BMERB1: variants seen among roughly 807,000 people sequenced by gnomAD.
BMERB1 encodes bMERB domain containing 1, also known as bMERB domain-containing protein 1.
A neutral mutation model predicts 23.6 loss-of-function variants in BMERB1; 12 were observed. That is an observed-to-expected ratio of 0.51 (90% CI 0.33 to 0.82). The LOEUF is 0.82. BMERB1 is among the 40% of genes least tolerant of loss of function. BMERB1 has a pLI of 0.03. For synonymous variants in BMERB1, 122 were observed against 96.6 expected, an observed-to-expected ratio of 1.26 and a Z score of -1.54; for missense variants, 247 against 255.4, an observed-to-expected ratio of 0.97 and a Z score of 0.22.
chr16:15,447,713 T>C (rs1386504268), intron 1 of BMERB1, among the ~76,000 whole-genome samples: 1 of 151,882 alleles, frequency 6.6e-6, no homozygotes, highest in Non-Finnish European at 1.5e-5. Flanking sequence ...CAAGGAAGAA[T>C]GGAGGTGACG....
intron 4 of BMERB1, 54 bp from the exon 5 acceptor site, chr16:15,583,102 T>C: frequency 1.5e-6 from 2 of 1,357,924 alleles, no homozygotes; most frequent in Non-Finnish European, 2.1e-6. Context: ...GGTTCCTTGA[T>C]GCTTTCCTTG....
intron 2 of BMERB1, among the ~76,000 whole-genome samples, chr16:15,563,727 A>G (rs912067142): frequency 6.6e-6 from 1 of 152,080 alleles, no homozygotes; most frequent in African/African-American, 2.4e-5. Context: ...ACACACTTAA[A>G]CAACCAGATC....
intron 2 of BMERB1, among the ~76,000 whole-genome samples, chr16:15,554,306 CCTGT>C (rs1404167124): frequency 1.3e-5 from 2 of 152,134 alleles, no homozygotes; most frequent in African/African-American, 4.8e-5. Flanking sequence ...AGTTCTTTAT[CCTGT>C]CTAAGAGATA....
At chr16:15,577,490 A>G (rs939616714) in intron 3 of BMERB1, among the ~76,000 whole-genome samples, 1 of 152,212 alleles carries the variant, frequency 6.6e-6, no homozygotes, top group Non-Finnish European at 1.5e-5. Flanking sequence ...TGAGAGACCG[A>G]GGCAAGTTTT....
intron 2 of BMERB1, among the ~76,000 whole-genome samples, chr16:15,520,134 G>T (rs1032412563): frequency 6.6e-6 from 1 of 152,118 alleles, no homozygotes; most frequent in Non-Finnish European, 1.5e-5. Flanking sequence ...TATGAATGAG[G>T]AAATTGAGGT....
At chr16:15,504,340 G>A (rs538635045) in intron 1 of BMERB1, among the ~76,000 whole-genome samples, 1 of 152,028 alleles carries the variant, frequency 6.6e-6, no homozygotes, top group Admixed American at 6.6e-5. Flanking sequence ...AATGAATATA[G>A]TTAATAACAA....
intron 3 of BMERB1, among the ~76,000 whole-genome samples, chr16:15,568,816 G>C (rs2030649076): frequency 6.6e-6 from 1 of 152,124 alleles, no homozygotes; most frequent in Non-Finnish European, 1.5e-5. Context: ...AGTCACCCCA[G>C]ATTTGGTAGT....
chr16:15,519,396 A>G lies in BMERB1; in HGVS notation c.230+3968A>G, dbSNP rs150998590. On this transcript the variant is annotated intron_variant, in intron 2 of 5. Transcript: ENST00000300006. ...TGCTTCTCGCAGCATTAACTCTTTT[A>G]TTTTTATTTCTTGTGACAGAGTCTC... is the stretch of plus-strand genomic sequence containing the variant. Among the ~76,000 whole-genome samples, 19 of 151,988 alleles carry G rather than the reference A, an allele frequency of 1.3e-4. No homozygotes were observed. The East Asian group carries it at 3.7e-3, about 29-fold the overall frequency.
intron 1 of BMERB1, among the ~76,000 whole-genome samples, chr16:15,444,105 G>A: frequency 1.0e-5 from 1 of 99,284 alleles, no homozygotes; most frequent in Non-Finnish European, 2.0e-5. Flanking sequence ...CAAAGGCCAG[G>A]GTCCAGGCAC....
At chr16:15,517,039 T>G (rs1190562847) in intron 2 of BMERB1, among the ~76,000 whole-genome samples, 1 of 152,198 alleles carries the variant, frequency 6.6e-6, no homozygotes, top group Non-Finnish European at 1.5e-5. Flanking sequence ...CCTTTGCATG[T>G]GCAAGACCGT....
chr16:15,527,736 C>G (rs1336856347), intron 2 of BMERB1, among the ~76,000 whole-genome samples: 1 of 152,136 alleles, frequency 6.6e-6, no homozygotes, highest in South Asian at 2.1e-4. Flanking sequence ...ACTTAAATGT[C>G]TCAAAGATAC....
chr16:15,552,697 A>G (rs2030127456), intron 2 of BMERB1, among the ~76,000 whole-genome samples: 1 of 152,064 alleles, frequency 6.6e-6, no homozygotes, highest in Non-Finnish European at 1.5e-5. Context: ...GTCTCGCCAC[A>G]TGGCCTTGGT....
chr16:15,448,610 G>A (rs534067740), intron 1 of BMERB1, among the ~76,000 whole-genome samples: 4 of 152,226 alleles, frequency 2.6e-5, no homozygotes, highest in South Asian at 4.1e-4. Context: ...CCTGGGAAAC[G>A]TGGCGAAATC....
At chr16:15,460,975 A>C (rs1261287567) in intron 1 of BMERB1, among the ~76,000 whole-genome samples, 1 of 152,074 alleles carries the variant, frequency 6.6e-6, no homozygotes, top group Non-Finnish European at 1.5e-5. Context: ...AATACAAAAA[A>C]TTAACCAGGA....
At chr16:15,516,154 T>C (rs1476181538) in intron 2 of BMERB1, among the ~76,000 whole-genome samples, 1 of 152,132 alleles carries the variant, frequency 6.6e-6, no homozygotes, top group Non-Finnish European at 1.5e-5. Context: ...CCAGGTGCAG[T>C]GGCTCACACC....
In BMERB1 at chr16:15,555,126, G is replaced by A. The variant is rs529628220; in HGVS notation, c.231-12857G>A. On this transcript the variant is annotated intron_variant, in intron 2 of 5. Coordinates refer to ENST00000300006, the MANE Select transcript of BMERB1 (RefSeq NM_033201.3). The stretch of plus-strand genomic sequence containing the variant: ...GTCAATCCTTGCCTCCCAGGTTGGA[G>A]TACAGTGGTGTGATCATGGCTCACC... Among the ~76,000 whole-genome samples the A allele has an allele frequency of 3.3e-4, 50 of 152,250 alleles. No homozygotes were observed. The South Asian group carries it at 0.01, about 31-fold the overall frequency.
At position 15,434,719 on chromosome 16, in the gene BMERB1, G is replaced by A. The variant is rs780824302; in HGVS notation, c.66G>A (p.Ala22=). 8.7e-6 allele frequency: 14 copies of A among 1,613,410 alleles called. No homozygotes were observed. In the African/African-American group the frequency reaches 1.3e-4, roughly 15 times the overall value. ...EAEKPLRRYG[A]VEETAWKTER... is the part of the protein sequence containing the mutation. ...AGAAGCCTCTGAGGCGCTATGGGGC[G>A]GTGGAGGAGACGGCTTGGAAAACGG... The change falls in exon 1 of 6, where the codon GCG becomes GCA. Residue 22 remains alanine (A), a synonymous_variant. Transcript: ENST00000300006.
intron 1 of BMERB1, among the ~76,000 whole-genome samples, chr16:15,437,790 A>C (rs1426301796): frequency 1.3e-5 from 2 of 151,950 alleles, no homozygotes; most frequent in East Asian, 3.9e-4. Context: ...AACCCCATCT[A>C]TACTAGAAAT....
intron 1 of BMERB1, among the ~76,000 whole-genome samples, chr16:15,447,288 G>GA (rs1437424440): frequency 2.0e-5 from 3 of 152,170 alleles, no homozygotes; most frequent in African/African-American, 7.2e-5. Flanking sequence ...AGGCACAGGA[G>GA]AAGCAAGCAC....
Sources: gnomAD v4.1 joint callset for allele counts (sites outside exome capture counted in the v4.1 genomes callset) on GRCh38, gnomAD v4.1.1 for gene constraint, MANE v1.5 for transcripts, NCBI Gene and HGNC (gene_info 2026-07-23, HGNC 2026-07-21) for gene names.